TMEM132D: variants seen among roughly 807,000 people sequenced by gnomAD.
The protein encoded by TMEM132D is transmembrane protein 132D.
TMEM132D carries 21 observed loss-of-function variants against 62.3 expected under a neutral mutation model. That is an observed-to-expected ratio of 0.34 (90% CI 0.24 to 0.49). The LOEUF (loss-of-function observed/expected upper bound fraction) is 0.49. Among genes scored for constraint, TMEM132D ranks in the 20% least tolerant of loss-of-function variants. The pLI is 0.99. For synonymous variants in TMEM132D, 621 were observed against 575.6 expected (o/e 1.08, Z -1.13); for missense variants, 1,346 against 1,402.8 (o/e 0.96, Z 0.65).
intron 1 of TMEM132D, among the ~76,000 whole-genome samples, chr12:129,863,333 G>T (rs1264528394): frequency 6.6e-6 from 1 of 152,030 alleles, no homozygotes; most frequent in East Asian, 1.9e-4. Flanking sequence ...CTTCCCAAGG[G>T]AATCAAAGAG....
chr12:129,335,904 C>A (rs1220265813), intron 4 of TMEM132D, among the ~76,000 whole-genome samples: 1 of 152,176 alleles, frequency 6.6e-6, no homozygotes, highest in East Asian at 1.9e-4. Context: ...GAGACTGGCC[C>A]TGTTTGAACT....
At chr12:129,578,011 C>T (rs762105029) in intron 2 of TMEM132D, among the ~76,000 whole-genome samples, 18 of 152,172 alleles carry the variant, frequency 1.2e-4, no homozygotes, top group Non-Finnish European at 2.6e-4. Context: ...AGGGCCAACG[C>T]AGAAGAAAAA....
Position 129,718,149 on chromosome 12 carries a change from G to C in TMEM132D, c.80-17451C>G, listed in dbSNP as rs528257021. Among the ~76,000 whole-genome samples, 43 of 152,330 alleles carry C rather than the reference G, an allele frequency of 2.8e-4. 2 individuals are homozygous for C. The South Asian group carries it at 8.3e-3, about 29-fold the overall frequency. On this transcript the variant is annotated intron_variant, in intron 1 of 8. Coordinates refer to ENST00000422113, the MANE Select transcript of TMEM132D (RefSeq NM_133448.3). ...AAAACGAAGTCTTCTTTCCCTTAAA[G>C]AGATTCAGATCTGGGGGCTGATGAT...
chr12:129,466,279 CTTTTTTTTTTTTTTTTTTTTTTTTTTTT>C (rs551019541), intron 3 of TMEM132D, among the ~76,000 whole-genome samples: 1 of 100,398 alleles, frequency 1.0e-5, no homozygotes, highest in Non-Finnish European at 2.0e-5. Flanking sequence ...TAGATTTTTC[CTTTTTTTTTTTTTTTTTTTTTTTTTTTT>C]TTTTTTTTTT....
intron 3 of TMEM132D, among the ~76,000 whole-genome samples, chr12:129,428,797 A>C (rs1368891711): frequency 6.6e-6 from 1 of 152,222 alleles, no homozygotes; most frequent in East Asian, 1.9e-4. Context: ...AGAACCATGA[A>C]TTAATATCAC....
At chr12:129,598,697 C>A (rs1041456348) in intron 2 of TMEM132D, among the ~76,000 whole-genome samples, 2 of 152,092 alleles carry the variant, frequency 1.3e-5, no homozygotes, top group African/African-American at 4.8e-5. Flanking sequence ...AAAACAGGCA[C>A]GGAATAGTCA....
intron 2 of TMEM132D, among the ~76,000 whole-genome samples, chr12:129,608,967 G>A (rs953025882): frequency 1.4e-5 from 2 of 147,874 alleles, no homozygotes; most frequent in Non-Finnish European, 3.0e-5. Flanking sequence ...TTGAGATGGA[G>A]TCTCGCTCTG....
At chr12:129,297,640 G>A (rs962406788) in intron 4 of TMEM132D, among the ~76,000 whole-genome samples, 16 of 152,302 alleles carry the variant, frequency 1.1e-4, no homozygotes, top group African/African-American at 3.8e-4. Context: ...GTGTTTCTAT[G>A]CCTTAATTAC....
At chr12:129,271,691 G>C (rs570837137) in intron 4 of TMEM132D, among the ~76,000 whole-genome samples, 4 of 151,868 alleles carry the variant, frequency 2.6e-5, no homozygotes, top group Admixed American at 2.6e-4. Flanking sequence ...TTAGTTTGCT[G>C]AGGATGATGG....
chr12:129,259,843 T>C (rs575862446), intron 4 of TMEM132D, among the ~76,000 whole-genome samples: 1 of 152,252 alleles, frequency 6.6e-6, no homozygotes, highest in South Asian at 2.1e-4. Flanking sequence ...AGAGTTCAAG[T>C]TGACTTCTTG....
rs1874460790 is a variant in TMEM132D at position 129,081,881 on chromosome 12, C to A, written c.1801G>T (p.Asp601Tyr). Residue 601 changes from aspartate to tyrosine, a missense_variant, in exon 7 of 9, where the codon GAC becomes TAC. By Grantham distance (160) the Asp-to-Tyr change is radical. Coordinates refer to ENST00000422113, the MANE Select transcript of TMEM132D (RefSeq NM_133448.3). ...AGCTCCGTGATGTCCACTTGCCAGTCTGAGCCCAGCAGGTGGGCCAGGTGT... is the reference window on the plus strand; with the variant it reads ...AGCTCCGTGATGTCCACTTGCCAGTATGAGCCCAGCAGGTGGGCCAGGTGT... ...GGHLAHLLGS[D>Y]WQVDITELIN... 4 of 1,614,044 alleles carry A rather than the reference C, an allele frequency of 2.5e-6. No homozygotes were observed. The highest frequency in any genetic ancestry group is 3.4e-6 in the Non-Finnish European group (4 of 1,180,014).
At chr12:129,506,279 T>C (rs1042482629) in intron 3 of TMEM132D, among the ~76,000 whole-genome samples, 2 of 152,140 alleles carry the variant, frequency 1.3e-5, no homozygotes, top group African/African-American at 2.4e-5. Flanking sequence ...AATAACCATA[T>C]TGCCAAAAGC....
intron 5 of TMEM132D, among the ~76,000 whole-genome samples, chr12:129,135,364 C>T (rs1019044206): frequency 1.3e-5 from 2 of 152,158 alleles, no homozygotes; most frequent in Non-Finnish European, 2.9e-5. Context: ...GAGTTAGACT[C>T]CTCTAGAGCT....
At chr12:129,800,765 G>A (rs991447461) in intron 1 of TMEM132D, among the ~76,000 whole-genome samples, 8 of 152,142 alleles carry the variant, frequency 5.3e-5, no homozygotes, top group East Asian at 3.9e-4. Flanking sequence ...CGAGAGCGAC[G>A]CAGAAGACGG....
intron 2 of TMEM132D, among the ~76,000 whole-genome samples, chr12:129,647,051 C>T (rs1177866834): frequency 2.0e-5 from 3 of 151,716 alleles, no homozygotes; most frequent in Non-Finnish European, 2.9e-5. Context: ...CCACCTGCCT[C>T]GGCCTCCCAA....
intron 3 of TMEM132D, among the ~76,000 whole-genome samples, chr12:129,507,648 G>A (rs1266268419): frequency 6.6e-6 from 1 of 152,156 alleles, no homozygotes; most frequent in African/African-American, 2.4e-5. Context: ...ATAAACAGGA[G>A]CTAAGCTACT....
intron 5 of TMEM132D, among the ~76,000 whole-genome samples, chr12:129,203,662 C>G (rs1179439491): frequency 6.6e-6 from 1 of 152,242 alleles, no homozygotes; most frequent in African/African-American, 2.4e-5. Context: ...GGGCAGGGAA[C>G]TCCACCCTCT....
At chr12:129,481,607 G>C (rs572118175) in intron 3 of TMEM132D, among the ~76,000 whole-genome samples, 1 of 152,220 alleles carries the variant, frequency 6.6e-6, no homozygotes, top group African/African-American at 2.4e-5. Context: ...TAAAGGAAAT[G>C]GGAATTTAAA....
intron 5 of TMEM132D, among the ~76,000 whole-genome samples, chr12:129,153,491 G>C (rs1877138748): frequency 6.6e-6 from 1 of 152,086 alleles, no homozygotes. Context: ...ACTCCAGGCT[G>C]TGCCGTGAAG....
Sources: allele counts gnomAD v4.1 joint callset (sites outside exome capture counted in the v4.1 genomes callset), GRCh38; gene constraint gnomAD v4.1.1; transcripts MANE v1.5; gene names NCBI Gene and HGNC (gene_info 2026-07-23, HGNC 2026-07-21).